The following PTCHD4 variants were observed in gnomAD, a reference collection of about 807,000 sequenced individuals.
PTCHD4 encodes the protein patched domain containing 4.
A neutral mutation model predicts 58.1 loss-of-function variants in PTCHD4; 33 were observed. The observed-to-expected ratio is 0.57, with a 90% CI of 0.43 to 0.76. The LOEUF (loss-of-function observed/expected upper bound fraction) is 0.76. Among genes scored for constraint, PTCHD4 ranks in the 30% least tolerant of loss-of-function variants. PTCHD4 has a pLI of 0.00. For missense variants in PTCHD4, 1,058 were observed against 1,027.1 expected, an observed-to-expected ratio of 1.03 and a Z score of -0.41; for synonymous variants, 478 against 409.6, an observed-to-expected ratio of 1.17 and a Z score of -2.02.
intron 3 of PTCHD4, among the ~76,000 whole-genome samples, chr6:48,059,008 G>C (rs1764518515): frequency 6.6e-6 from 1 of 152,178 alleles, no homozygotes; most frequent in Non-Finnish European, 1.5e-5. Context: ...CCTGTCTTCC[G>C]GATAAGGGCA....
intron 4 of PTCHD4, among the ~76,000 whole-genome samples, chr6:47,899,396 GTGAGATGGC>G: frequency 6.6e-6 from 1 of 152,290 alleles, no homozygotes; most frequent in East Asian, 1.9e-4. Context: ...GACAGTATTT[GTGAGATGGC>G]TGTGGGAACA....
At chr6:47,969,284 T>TGTA (rs1229761509) in intron 4 of PTCHD4, among the ~76,000 whole-genome samples, 2 of 152,236 alleles carry the variant, frequency 1.3e-5, no homozygotes, top group Admixed American at 1.3e-4. Context: ...CTCCTACTAG[T>TGTA]CACCTGCTTA....
intron 1 of PTCHD4, among the ~76,000 whole-genome samples, chr6:48,091,893 A>G (rs1582130608): frequency 6.6e-6 from 1 of 151,730 alleles, no homozygotes; most frequent in Non-Finnish European, 1.5e-5. Flanking sequence ...CTGATGATCC[A>G]CCTGCCTCGG....
rs562179323 is a variant in PTCHD4, at chr6:47,879,894, C to A, written c.941G>T (p.Arg314Leu). Residue 314 changes from arginine to leucine, a missense_variant, in exon 5 of 5, where the codon CGG (arginine) becomes CTG (leucine). By Grantham distance (102) the Arg-to-Leu change is moderately radical (BLOSUM62 -2). Coordinates refer to ENST00000339488, the MANE Select transcript of PTCHD4 (RefSeq NM_001384253.1). Reference sequence around the variant, plus strand: ...GAAGGGCAAGTTCTCTTTGGTTCTCCGCCATCCGGACAGAAGCTCAAACAC... The same window carrying A: ...GAAGGGCAAGTTCTCTTTGGTTCTCAGCCATCCGGACAGAAGCTCAAACAC... Reference protein sequence around the residue: ...KGVFELLSGWRRTKENLPFKD... With the variant: ...KGVFELLSGWLRTKENLPFKD... 18 of 1,579,314 alleles carry A rather than the reference C, an allele frequency of 1.1e-5. No individual in the cohort carries two copies. The South Asian group carries it at 2.1e-4, about 18-fold the overall frequency.
At chr6:48,095,015 T>C (rs956477705) in intron 1 of PTCHD4, among the ~76,000 whole-genome samples, 4 of 152,162 alleles carry the variant, frequency 2.6e-5, no homozygotes, top group Admixed American at 1.3e-4. Context: ...GACAGGGTAG[T>C]ATAGATTATA....
At chr6:47,953,039 A>T (rs886385903) in intron 4 of PTCHD4, among the ~76,000 whole-genome samples, 1 of 139,330 alleles carries the variant, frequency 7.2e-6, no homozygotes, top group Non-Finnish European at 1.5e-5. Flanking sequence ...GAAGAATACT[A>T]AACTACTGTA....
chr6:48,104,945 C>T (rs998327879), intron 1 of PTCHD4, among the ~76,000 whole-genome samples: 1 of 152,188 alleles, frequency 6.6e-6, no homozygotes, highest in African/African-American at 2.4e-5. Flanking sequence ...CACCCAGATT[C>T]ATAAAGCAAG....
chr6:47,950,141 T>G (rs1766586943), intron 4 of PTCHD4, among the ~76,000 whole-genome samples: 1 of 151,734 alleles, frequency 6.6e-6, no homozygotes, highest in Non-Finnish European at 1.5e-5. Flanking sequence ...TTTGGTTTTT[T>G]GTCCTTGTGA....
intron 1 of PTCHD4, among the ~76,000 whole-genome samples, chr6:48,072,895 T>C (rs1475763043): frequency 2.0e-5 from 3 of 152,060 alleles, no homozygotes; most frequent in African/African-American, 4.8e-5. Context: ...CAAAAATATA[T>C]ATTTTTAATA....
intron 3 of PTCHD4, among the ~76,000 whole-genome samples, chr6:48,052,804 T>C (rs1053763701): frequency 2.0e-5 from 3 of 152,094 alleles, no homozygotes; most frequent in African/African-American, 7.2e-5. Context: ...CAGTGGCCAG[T>C]GGTGTATACT....
chr6:48,018,945 GAC>G (rs1762961517), intron 3 of PTCHD4, among the ~76,000 whole-genome samples: 1 of 152,104 alleles, frequency 6.6e-6, no homozygotes, highest in Non-Finnish European at 1.5e-5. Flanking sequence ...CTTTCTTTTG[GAC>G]TAAGAAATTC....
intron 1 of PTCHD4, among the ~76,000 whole-genome samples, chr6:48,079,529 G>A (rs1250190837): frequency 1.3e-5 from 2 of 151,520 alleles, no homozygotes; most frequent in African/African-American, 4.9e-5. Context: ...CCTACTTCTG[G>A]TAACAGCATC....
chr6:47,868,986 A>G lies in PTCHD4; in HGVS notation c.*9317T>C, dbSNP rs1010135569. Among the ~76,000 whole-genome samples, 1 of 151,726 alleles carries G rather than the reference A, an allele frequency of 6.6e-6. No homozygotes were observed. The highest frequency in any genetic ancestry group is 1.5e-5 in the Non-Finnish European group (1 of 67,776). ...AACTATATAAAATGAAATATTACTAAGACTTCTTTGGTCTCCTCATCATAC... is the reference window on the plus strand; with the variant it reads ...AACTATATAAAATGAAATATTACTAGGACTTCTTTGGTCTCCTCATCATAC... On this transcript the variant is annotated 3_prime_UTR_variant, in exon 5 of 5. Transcript: ENST00000339488.
rs545233485 is a variant in PTCHD4 at position 48,063,820 on chromosome 6, A to G, written c.417+4410T>C. 1.0e-3 allele frequency among the ~76,000 whole-genome samples: 154 copies of G among 152,328 alleles called. 2 individuals are homozygous for G. The highest frequency in any genetic ancestry group is 2.0e-3 in the Non-Finnish European group (133 of 68,016). Reference sequence around the variant, plus strand: ...GTATACCTTATACGGTTTTAGAATTAGAGAAAGAAGTCCATAGCATAACTT... The same window carrying G: ...GTATACCTTATACGGTTTTAGAATTGGAGAAAGAAGTCCATAGCATAACTT... On this transcript the variant is annotated intron_variant, in intron 3 of 4. Coordinates refer to ENST00000339488, the MANE Select transcript of PTCHD4 (RefSeq NM_001384253.1).
At chr6:47,926,879 A>G (rs898219360) in intron 4 of PTCHD4, among the ~76,000 whole-genome samples, 7 of 152,226 alleles carry the variant, frequency 4.6e-5, no homozygotes, top group Non-Finnish European at 7.3e-5. Context: ...CTAAAACCTG[A>G]TAACTATTAC....
At chr6:48,076,700 T>C (rs1765069821) in intron 1 of PTCHD4, among the ~76,000 whole-genome samples, 1 of 152,280 alleles carries the variant, frequency 6.6e-6, no homozygotes, top group African/African-American at 2.4e-5. Flanking sequence ...AGGAGTTTAA[T>C]TGAGCAATTA....
At position 48,068,548 on chromosome 6, in the gene PTCHD4, C is replaced by G. The variant is rs1187625871; in HGVS notation, c.99G>C (p.Leu33Phe). Residue 33 changes from leucine to phenylalanine, a missense_variant, in exon 3 of 5, where the codon TTG (leucine) becomes TTC (phenylalanine). Coordinates refer to ENST00000339488, the MANE Select transcript of PTCHD4 (RefSeq NM_001384253.1). This position sits in a 1 kb window ranked among gnomAD's most constrained non-coding sequence, Gnocchi z 4.2. ...GLQSFCHRLG[L>F]CVSRHPVFFL... Reference sequence around the variant, plus strand: ...AAAAGACCGGGTGCCGGCTCACGCACAAACCCAGCCTGTGGCAGAACGACT... The same window carrying G: ...AAAAGACCGGGTGCCGGCTCACGCAGAAACCCAGCCTGTGGCAGAACGACT... 6.2e-7 allele frequency: 1 copy of G among 1,604,346 alleles called. No homozygotes were observed. Among genetic ancestry groups the G allele is most frequent in the South Asian group, 1.1e-5 (1 of 90,280 alleles).
chr6:48,081,945 A>G (rs1765176813), intron 1 of PTCHD4, among the ~76,000 whole-genome samples: 1 of 152,216 alleles, frequency 6.6e-6, no homozygotes, highest in Non-Finnish European at 1.5e-5. Flanking sequence ...TCCAGGGTTT[A>G]GGAGTTACTG....
intron 4 of PTCHD4, among the ~76,000 whole-genome samples, chr6:47,913,300 G>A (rs1280579345): frequency 6.6e-6 from 1 of 152,008 alleles, no homozygotes; most frequent in African/African-American, 2.4e-5. Flanking sequence ...AATGAGGTTT[G>A]CGAAATATCA....
Sources: gnomAD v4.1 joint callset for allele counts (sites outside exome capture counted in the v4.1 genomes callset) on GRCh38, gnomAD v4.1.1 for gene constraint, Gnocchi (gnomAD v3.1) non-coding constraint, MANE v1.5 for transcripts, NCBI Gene and HGNC (gene_info 2026-07-23, HGNC 2026-07-21) for gene names.